GNA13: variants seen among roughly 807,000 people sequenced by gnomAD.
GNA13 encodes the protein guanine nucleotide-binding protein subunit alpha-13.
In GNA13, 4 loss-of-function variants were observed where a neutral mutation model predicts 33.5. The ratio of observed to expected loss-of-function variants is 0.12; its 90% CI spans 0.06 to 0.27. The LOEUF is 0.27. GNA13 is among the 10% of genes least tolerant of loss of function. The pLI, the probability that GNA13 is intolerant of heterozygous loss-of-function variation, is 1.00. For missense variants in GNA13, 319 were observed against 487.2 expected (o/e 0.65, Z 3.25); for synonymous variants, 176 against 183.8 (o/e 0.96, Z 0.34).
intron 2 of GNA13, among the ~76,000 whole-genome samples, chr17:65,023,799 T>G (rs1906674720): frequency 1.3e-5 from 2 of 152,172 alleles, no homozygotes; most frequent in Admixed American, 1.3e-4. Flanking sequence ...CAAAGGAAAT[T>G]TCCATATTTC....
At chr17:65,015,442 C>T (rs1906328763) in intron 3 of GNA13, among the ~76,000 whole-genome samples, 1 of 152,016 alleles carries the variant, frequency 6.6e-6, no homozygotes, top group South Asian at 2.1e-4. Flanking sequence ...ACGGGCAGAT[C>T]ACGAGGTCAG....
chr17:65,042,993 C>T (rs1353498150), intron 2 of GNA13, among the ~76,000 whole-genome samples: 1 of 152,100 alleles, frequency 6.6e-6, no homozygotes, highest in Non-Finnish European at 1.5e-5. Flanking sequence ...TAATACAAGT[C>T]AGGTACTGTG....
Position 65,014,494 on chromosome 17 carries a change from C to T in GNA13, c.897G>A (p.Lys299=), listed in dbSNP as rs1207784694. The change falls in exon 4 of 4, where the codon AAG becomes AAA. Residue 299 remains lysine (K), a synonymous_variant. Transcript: ENST00000439174. This position sits in a 1 kb window ranked among gnomAD's most constrained non-coding sequence, Gnocchi z 5.3. ...AGTCTTTGATGCTCACAATTTGCAC[C>T]TTCTCCTCAAGCAAGTCTGTCTTGT... ...FLNKTDLLEE[K]VQIVSIKDYF... is the part of the protein sequence containing the mutation. 1.9e-6 allele frequency: 3 copies of T among 1,613,720 alleles called. No homozygotes were observed. The highest frequency in any genetic ancestry group is 1.7e-6 in the Non-Finnish European group (2 of 1,179,632).
chr17:65,052,555 C>T (rs1174543171), intron 2 of GNA13, among the ~76,000 whole-genome samples: 1 of 152,230 alleles, frequency 6.6e-6, no homozygotes, highest in African/African-American at 2.4e-5. Context: ...ATTTCTATCA[C>T]TGCTGGAATC....
Position 65,014,594 on chromosome 17 carries a change from G to A in GNA13, c.797C>T (p.Thr266Ile), listed in dbSNP as rs1906298094. 1.9e-6 allele frequency: 3 copies of A among 1,614,002 alleles called. No individual in the cohort carries two copies. Among genetic ancestry groups the A allele is most frequent in the Non-Finnish European group, 2.5e-6 (3 of 1,179,848 alleles). ...TGTTTCAAAAATGTTCAGAGACTCT[G>A]TAAGGCGATTGGTCAGTCGATCTTC... ...LMEDRLTNRLTESLNIFETIV... is the reference protein window; with the variant it reads ...LMEDRLTNRLIESLNIFETIV... The change falls in exon 4 of 4, where the codon ACA (threonine) becomes ATA (isoleucine). Residue 266 changes from threonine to isoleucine, a missense_variant. Thr to Ile is a moderately conservative substitution (Grantham distance 89). Coordinates refer to ENST00000439174, the MANE Select transcript of GNA13 (RefSeq NM_006572.6). The surrounding 1 kb of genome is among the most constrained non-coding windows in gnomAD (Gnocchi z 5.3).
chr17:65,039,353 A>G (rs1907375753), intron 2 of GNA13, among the ~76,000 whole-genome samples: 1 of 152,242 alleles, frequency 6.6e-6, no homozygotes, highest in South Asian at 2.1e-4. Context: ...ACTCCCCTCT[A>G]ACTTCCACAC....
At chr17:65,051,365 C>T (rs890239243) in intron 2 of GNA13, among the ~76,000 whole-genome samples, 4 of 152,260 alleles carry the variant, frequency 2.6e-5, no homozygotes, top group African/African-American at 9.6e-5. Context: ...CCTGTAATCC[C>T]AGCACTTTGG....
At chr17:65,026,454 CA>C (rs1472755660) in intron 2 of GNA13, among the ~76,000 whole-genome samples, 2 of 152,106 alleles carry the variant, frequency 1.3e-5, no homozygotes, top group African/African-American at 4.8e-5. Flanking sequence ...AAAACAAAAA[CA>C]AAACAGTACT....
At chr17:65,033,771 T>C (rs1042627296) in intron 2 of GNA13, among the ~76,000 whole-genome samples, 1 of 151,968 alleles carries the variant, frequency 6.6e-6, no homozygotes, top group African/African-American at 2.4e-5. Flanking sequence ...TCCCAACACT[T>C]TGGGAGGCCG....
rs1906215751 is a variant in GNA13, at chr17:65,012,268, G to A, written c.*1989C>T. The A allele has an allele frequency of 9.0e-6, 2 of 222,796 alleles. No homozygotes were observed. The highest frequency in any genetic ancestry group is 1.8e-5 in the Non-Finnish European group (2 of 111,628). 13.8% of individuals were successfully genotyped at this position (222,796 alleles called of 1,614,324 possible). A position where few individuals can be genotyped will look rare whatever the true frequency, so the allele number is the denominator to read the frequency against. ...TAGGGATCTAACTTGAGCCCTCACT[G>A]GAGTCAAATGTTTTGGCCATTCAAT... On this transcript the variant is annotated 3_prime_UTR_variant, in exon 4 of 4. Transcript: ENST00000439174.
At chr17:65,047,933 T>C (rs532399029) in intron 2 of GNA13, among the ~76,000 whole-genome samples, 2 of 152,328 alleles carry the variant, frequency 1.3e-5, no homozygotes, top group South Asian at 2.1e-4. Flanking sequence ...GTTACACAGA[T>C]TGAGGGAGTA....
intron 2 of GNA13, chr17:65,051,933 T>G (rs924534928): frequency 6.6e-6 from 1 of 152,212 alleles, no homozygotes; most frequent in Non-Finnish European, 1.5e-5. Flanking sequence ...AAATGCTAGT[T>G]GAATGACAGA....
Position 65,009,372 on chromosome 17 carries a change from T to C in GNA13, c.*4885A>G, listed in dbSNP as rs1366493708. Among the ~76,000 whole-genome samples, 1 of 152,188 alleles carries C rather than the reference T, an allele frequency of 6.6e-6. No homozygotes were observed. Among genetic ancestry groups the C allele is most frequent in the Non-Finnish European group, 1.5e-5 (1 of 68,030 alleles). ...AGCAAGAGGCAAATGTTTTGCAAAA[T>C]ATGTACAAAAGTAAAAAGCTGTAAT... On this transcript the variant is annotated 3_prime_UTR_variant, in exon 4 of 4. Transcript: ENST00000439174.
At chr17:65,037,408 C>T (rs1907286500) in intron 2 of GNA13, among the ~76,000 whole-genome samples, 1 of 152,184 alleles carries the variant, frequency 6.6e-6, no homozygotes. Flanking sequence ...CACCAGGGCA[C>T]CTGCTGCCAT....
chr17:65,027,948 C>T (rs1170245556), intron 2 of GNA13, among the ~76,000 whole-genome samples: 1 of 151,922 alleles, frequency 6.6e-6, no homozygotes, highest in Non-Finnish European at 1.5e-5. Flanking sequence ...ACTAAAAGTA[C>T]AAACATTAGG....
intron 1 of GNA13, 53 bp downstream of exon 1, chr17:65,056,258 G>GC: frequency 1.2e-5 from 7 of 574,280 alleles, no homozygotes; most frequent in Admixed American, 2.5e-5. Flanking sequence ...CGCACCCGCC[G>GC]CCGCCCCAGC....
At chr17:65,024,791 T>C (rs891618648) in intron 2 of GNA13, among the ~76,000 whole-genome samples, 2 of 152,254 alleles carry the variant, frequency 1.3e-5, no homozygotes, top group Non-Finnish European at 2.9e-5. Context: ...ATTAATTTCA[T>C]CTTTTAGGAT....
chr17:65,039,712 T>C (rs986814117), intron 2 of GNA13, among the ~76,000 whole-genome samples: 16 of 152,226 alleles, frequency 1.1e-4, no homozygotes, highest in African/African-American at 3.4e-4. Flanking sequence ...ATTTACCACA[T>C]GTGTAATTAC....
In GNA13 at chr17:65,018,092, TAAAAAAAAAAAAAAAAAAAAAAAA is replaced by T. The variant is rs767082596; in HGVS notation, c.561+137_561+160del. Among the ~76,000 whole-genome samples the T allele has an allele frequency of 1.9e-3, 41 of 21,510 alleles. 1 individual carries two copies. Among genetic ancestry groups the T allele is most frequent in the Admixed American group, 6.4e-3 (12 of 1,872 alleles). 14.1% of individuals were successfully genotyped at this position (21,510 alleles called of 152,430 possible). A position where few individuals can be genotyped will look rare whatever the true frequency, so the allele number is the denominator to read the frequency against. ...CAGAGAAGAATCAGAACGCCACCAC[TAAAAAAAAAAAAAAAAAAAAAAAA>T]AAAAAAAAAAAAAAAAAAAAAAAGA... On this transcript the variant is annotated intron_variant, in intron 3 of 3. Coordinates refer to ENST00000439174, the MANE Select transcript of GNA13 (RefSeq NM_006572.6).
Sources: allele counts gnomAD v4.1 joint callset (sites outside exome capture counted in the v4.1 genomes callset), GRCh38; gene constraint gnomAD v4.1.1; non-coding constraint Gnocchi (gnomAD v3.1); transcripts MANE v1.5; gene names NCBI Gene and HGNC (gene_info 2026-07-23, HGNC 2026-07-21).